TPRKB: variants seen among roughly 807,000 people sequenced by gnomAD.
TPRKB encodes EKC/KEOPS complex subunit TPRKB.
A neutral mutation model predicts 17.8 loss-of-function variants in TPRKB; 11 were observed. The ratio of observed to expected loss-of-function variants is 0.62; its 90% CI spans 0.39 to 1.02. The LOEUF is 1.02. Among genes scored for constraint, TPRKB ranks in the 50% least tolerant of loss-of-function variants. The pLI is 0.00. For synonymous variants in TPRKB, 71 were observed against 69.5 expected, an observed-to-expected ratio of 1.02 and a Z score of -0.11; for missense variants, 228 against 198.0, an observed-to-expected ratio of 1.15 and a Z score of -0.91.
intron 3 of TPRKB, chr2:73,731,853 G>A (rs1000983296): frequency 9.4e-6 from 2 of 212,664 alleles, no homozygotes; most frequent in Admixed American, 5.3e-5. Context: ...AAATATCCAC[G>A]CCTAATGTTT....
chr2:73,730,514 T>G, intron 4 of TPRKB, 46 bp downstream of exon 4: 1 of 1,377,688 alleles, frequency 7.3e-7, no homozygotes, highest in Non-Finnish European at 9.9e-7. Context: ...GCATCAGCAT[T>G]ATTGCTCATC....
chr2:73,730,327 G>A, intron 4 of TPRKB: 1 of 436,860 alleles, frequency 2.3e-6, no homozygotes, highest in Non-Finnish European at 3.9e-6. Context: ...ATATTTAAAG[G>A]TATTCTCTTT....
At chr2:73,734,359 A>G (rs1671778238) in intron 2 of TPRKB, 70 bp downstream of exon 2, 2 of 1,509,130 alleles carry the variant, frequency 1.3e-6, no homozygotes, top group Non-Finnish European at 1.8e-6. Context: ...TCGGCCTCCT[A>G]AAGTGCTGGC....
rs777654695 is a variant in TPRKB, at chr2:73,729,892, A to T, written c.*51T>A. The T allele has an allele frequency of 1.5e-5, 22 of 1,454,408 alleles. No homozygotes were observed. In the South Asian group the frequency reaches 3.0e-4, roughly 20 times the overall value. 90.1% of individuals were successfully genotyped at this position (1,454,408 alleles called of 1,614,324 possible). On this transcript the variant is annotated 3_prime_UTR_variant, in exon 5 of 5. Transcript: ENST00000272424. The stretch of plus-strand genomic sequence containing the variant: ...AATTAGTTTTATAGTCAGGAAAGGA[A>T]AATCAATGTTTTCTTTAATGCTGAG...
intron 1 of TPRKB, among the ~76,000 whole-genome samples, chr2:73,735,744 A>G (rs2103871189): frequency 6.6e-6 from 1 of 152,368 alleles, no homozygotes; most frequent in South Asian, 2.1e-4. Flanking sequence ...AACAATTTCT[A>G]TCAAATTCTT....
intron 1 of TPRKB, among the ~76,000 whole-genome samples, chr2:73,736,471 G>C (rs749107465): frequency 3.9e-5 from 6 of 152,148 alleles, no homozygotes; most frequent in South Asian, 2.1e-4. Flanking sequence ...AACACTGAGT[G>C]GGGGGAAGAA....
chr2:73,734,475 T>G lies in TPRKB; in HGVS notation c.95A>C (p.Lys32Thr), dbSNP rs764868732. The G allele has an allele frequency of 6.2e-7, 1 of 1,614,000 alleles. No homozygotes were observed. The highest frequency in any genetic ancestry group is 1.3e-5 in the African/African-American group (1 of 75,040). The change falls in exon 2 of 5, where the codon AAG (lysine) becomes ACG (threonine). Residue 32 changes from lysine to threonine, a missense_variant. Physicochemically the swap from Lys to Thr is moderately conservative, Grantham distance 78. Coordinates refer to ENST00000272424, the MANE Select transcript of TPRKB (RefSeq NM_016058.5). Reference sequence around the variant, plus strand: ...TCCATCGATGGTGCCTTCCATGGCCTTTCTTCTCAAGTCTCCCGCATTTTT... The same window carrying G: ...TCCATCGATGGTGCCTTCCATGGCCGTTCTTCTCAAGTCTCCCGCATTTTT... ...DVKNAGDLRR[K>T]AMEGTIDGSL...
chr2:73,733,860 C>T (rs1357401210), intron 2 of TPRKB, among the ~76,000 whole-genome samples: 2 of 147,698 alleles, frequency 1.4e-5, no homozygotes, highest in Non-Finnish European at 1.5e-5. Flanking sequence ...GTCTGTTGCC[C>T]AGGCTGGAGT....
chr2:73,732,522 C>G (rs964643939), intron 2 of TPRKB: 1 of 433,810 alleles, frequency 2.3e-6, no homozygotes, highest in Admixed American at 4.1e-5. Context: ...ACCAGCCTGG[C>G]CAACACGGCG....
At chr2:73,730,833 T>A in intron 3 of TPRKB, 97 bp from the exon 4 acceptor site, 1 of 882,054 alleles carries the variant, frequency 1.1e-6, no homozygotes, top group Non-Finnish European at 1.6e-6. Context: ...TTGGTCAGGC[T>A]CTTATTTTTC....
chr2:73,734,184 T>C (rs4358149), intron 2 of TPRKB, among the ~76,000 whole-genome samples: 91,639 of 151,574 alleles, frequency 0.6, 28,332 homozygotes, highest in East Asian at 0.7. Flanking sequence ...CTGCAACCTC[T>C]GCCTCCAGGG....
In TPRKB at chr2:73,734,354, C is replaced by T. The variant is rs556222700; in HGVS notation, c.141+75G>A. 144 of 1,484,644 alleles carry T rather than the reference C, an allele frequency of 9.7e-5. 1 individual carries two copies. In the East Asian group the frequency reaches 3.2e-3, roughly 33 times the overall value. 92.0% of individuals were successfully genotyped at this position (1,484,644 alleles called of 1,614,324 possible). A position where few individuals can be genotyped will look rare whatever the true frequency, so the allele number is the denominator to read the frequency against. Reference sequence around the variant, plus strand: ...CCTCAGATGATCCACCCGCCTCGGCCTCCTAAAGTGCTGGCATTACAGGCG... The same window carrying T: ...CCTCAGATGATCCACCCGCCTCGGCTTCCTAAAGTGCTGGCATTACAGGCG... On this transcript the variant is annotated intron_variant, in intron 2 of 4. Transcript: ENST00000272424.
At chr2:73,736,239 CAT>C (rs1253958801) in intron 1 of TPRKB, among the ~76,000 whole-genome samples, 1 of 152,038 alleles carries the variant, frequency 6.6e-6, no homozygotes, top group Non-Finnish European at 1.5e-5. Flanking sequence ...TACAGAAAGA[CAT>C]AATCAGTAGG....
chr2:73,737,203 G>C (rs994658911), intron 1 of TPRKB, 99 bp downstream of exon 1: 1 of 152,276 alleles, frequency 6.6e-6, no homozygotes, highest in African/African-American at 2.4e-5. Context: ...GTTGCCGCTT[G>C]AGAAATACCA....
chr2:73,737,330 G>A lies in TPRKB; in HGVS notation c.-51C>T, dbSNP rs1482214011. 6.6e-6 allele frequency: 1 copy of A among 152,232 alleles called. No individual in the cohort carries two copies. The highest frequency in any genetic ancestry group is 1.5e-5 in the Non-Finnish European group (1 of 68,062). 9.4% of individuals were successfully genotyped at this position (152,232 alleles called of 1,614,324 possible). ...CCGGCCCCCAGTGCGTCTCGGAAGA[G>A]CTCCCGCTCCGAAACAAAGCTCACA... On this transcript the variant is annotated 5_prime_UTR_variant, in exon 1 of 5. Transcript: ENST00000272424.
chr2:73,732,439 C>T (rs1049300718), intron 2 of TPRKB, 154 bp from the exon 3 acceptor site: 9 of 853,390 alleles, frequency 1.1e-5, no homozygotes, highest in East Asian at 5.6e-5. Context: ...CGGCTGGGCA[C>T]GGTGGCTCAC....
chr2:73,730,900 C>T (rs1247812355), intron 3 of TPRKB, 164 bp from the exon 4 acceptor site: 1 of 502,426 alleles, frequency 2.0e-6, no homozygotes, highest in Non-Finnish European at 3.4e-6. Flanking sequence ...TTTCCAACAT[C>T]CATTGGCACT....
chr2:73,730,198 T>C (rs1467022006), intron 4 of TPRKB, 169 bp from the exon 5 acceptor site: 1 of 782,542 alleles, frequency 1.3e-6, no homozygotes, highest in Non-Finnish European at 1.8e-6. Context: ...ATTCATTACT[T>C]GTATCCCCTT....
Position 73,730,273 on chromosome 2 carries a change from C to T in TPRKB, c.442-244G>A, listed in dbSNP as rs1671537868. The T allele has an allele frequency of 1.9e-5, 8 of 428,234 alleles. No individual in the cohort carries two copies. The East Asian group carries it at 3.6e-4, about 19-fold the overall frequency. The allele number at this position is 428,234 out of a possible 1,614,324, so 26.5% of individuals were successfully genotyped here. ...ACCAAATTTCTATCCATTTTAAAAG[C>T]ATACTAAATTTATTTTACATTTTAA... is the stretch of plus-strand genomic sequence containing the variant. On this transcript the variant is annotated intron_variant, in intron 4 of 4. Coordinates refer to ENST00000272424, the MANE Select transcript of TPRKB (RefSeq NM_016058.5).
Sources: gnomAD v4.1 joint callset for allele counts (sites outside exome capture counted in the v4.1 genomes callset) on GRCh38, gnomAD v4.1.1 for gene constraint, MANE v1.5 for transcripts, NCBI Gene and HGNC (gene_info 2026-07-23, HGNC 2026-07-21) for gene names.